Variants in TMEM200A observed in about 807,000 individuals in gnomAD.
TMEM200A encodes transmembrane protein 200A, also known as two transmembrane C.
In TMEM200A, 12 loss-of-function variants were observed where a neutral mutation model predicts 24.3. The ratio of observed to expected loss-of-function variants is 0.49; its 90% CI spans 0.32 to 0.80. TMEM200A has a LOEUF of 0.80. TMEM200A is among the 30% of genes least tolerant of loss of function. The pLI is 0.04. For missense variants in TMEM200A, 545 were observed against 614.4 expected, an observed-to-expected ratio of 0.89 and a Z score of 1.19; for synonymous variants, 224 against 224.4, an observed-to-expected ratio of 1.00 and a Z score of 0.02.
chr6:130,379,508 T>C (rs1474312419), intron 1 of TMEM200A, among the ~76,000 whole-genome samples: 3 of 151,956 alleles, frequency 2.0e-5, no homozygotes, highest in Non-Finnish European at 2.9e-5. Context: ...ACATGCGTGA[T>C]TGAGCTTCAT....
rs553306614 is a variant in TMEM200A, at chr6:130,436,630, CCTTTTTTTT to C, written c.-16-3776_-16-3768del. 6.3e-3 allele frequency among the ~76,000 whole-genome samples: 418 copies of C among 66,758 alleles called. 31 individuals are homozygous for C. Among genetic ancestry groups the C allele is most frequent in the African/African-American group, 0.015 (383 of 26,334 alleles). The allele number at this position is 66,758 out of a possible 152,430, so 43.8% of individuals were successfully genotyped here. A position where few individuals can be genotyped will look rare whatever the true frequency, so the allele number is the denominator to read the frequency against. On this transcript the variant is annotated intron_variant, in intron 2 of 2. Transcript: ENST00000296978. ...TTCACTAGGCTTCGTTTTTCTTTAT[CCTTTTTTTT>C]TTTTTTTTTTTTTTTTTTTTTTTCA...
At chr6:130,369,378 C>T (rs577629365) in intron 1 of TMEM200A, among the ~76,000 whole-genome samples, 39 of 152,266 alleles carry the variant, frequency 2.6e-4, no homozygotes, top group African/African-American at 8.7e-4. Flanking sequence ...TTTGGAAACC[C>T]TGAGTAAACA....
chr6:130,429,429 G>A (rs1779823404), intron 2 of TMEM200A, among the ~76,000 whole-genome samples: 1 of 152,146 alleles, frequency 6.6e-6, no homozygotes, highest in Admixed American at 6.6e-5. Context: ...GACTGAGGCA[G>A]GAGAATCACA....
chr6:130,382,960 C>G (rs1778635314), intron 1 of TMEM200A: 2 of 937,602 alleles, frequency 2.1e-6, no homozygotes, highest in Non-Finnish European at 2.5e-6. Flanking sequence ...CCTGCTTTGC[C>G]TCCCTAGTGA....
At chr6:130,386,746 G>C (rs1025249815) in intron 2 of TMEM200A, among the ~76,000 whole-genome samples, 1 of 152,168 alleles carries the variant, frequency 6.6e-6, no homozygotes, top group African/African-American at 2.4e-5. Flanking sequence ...GAAATTGTAA[G>C]AATGTCGTTT....
At position 130,433,947 on chromosome 6, in the gene TMEM200A, A is replaced by G. The variant is rs78799730; in HGVS notation, c.-16-6460A>G. ...TGCCAAGCCTTCGTTAACTGCCACC[A>G]CTTCTTGGAAGCCTGTCCTGACTCC... is the stretch of plus-strand genomic sequence containing the variant. On this transcript the variant is annotated intron_variant, in intron 2 of 2. Transcript: ENST00000296978. 8.2e-4 allele frequency among the ~76,000 whole-genome samples: 125 copies of G among 152,268 alleles called. 1 individual carries two copies. In the East Asian group the frequency reaches 0.022, roughly 27 times the overall value.
At position 130,440,663 on chromosome 6, in the gene TMEM200A, C is replaced by A. The variant is rs777347911; in HGVS notation, c.241C>A (p.Leu81Ile). Residue 81 changes from leucine to isoleucine, a missense_variant, in exon 3 of 3, where the codon CTT (leucine) becomes ATT (isoleucine). Coordinates refer to ENST00000296978, the MANE Select transcript of TMEM200A (RefSeq NM_001258277.2). ...ISIIGIAMAV[L>I]GYWPQKEHFI... is the part of the protein sequence containing the mutation. ...CATTATAGGAATTGCTATGGCCGTTCTTGGATATTGGCCCCAAAAAGAACA... is the reference window on the plus strand; with the variant it reads ...CATTATAGGAATTGCTATGGCCGTTATTGGATATTGGCCCCAAAAAGAACA... The A allele has an allele frequency of 1.2e-5, 20 of 1,613,796 alleles. No individual in the cohort carries two copies. The South Asian group carries it at 2.2e-4, about 18-fold the overall frequency.
chr6:130,397,520 A>G (rs1273486874), intron 2 of TMEM200A, among the ~76,000 whole-genome samples: 2 of 151,750 alleles, frequency 1.3e-5, no homozygotes, highest in Admixed American at 1.3e-4. Flanking sequence ...CCCTCTTTGG[A>G]GTCTATTTTA....
In TMEM200A at chr6:130,441,401, C is replaced by G. The variant is rs1562576991; in HGVS notation, c.979C>G (p.Leu327Val). The change falls in exon 3 of 3, where the codon CTT becomes GTT. Residue 327 changes from leucine (L) to valine (V), a missense_variant. Physicochemically the swap from Leu to Val is conservative, Grantham distance 32. Coordinates refer to ENST00000296978, the MANE Select transcript of TMEM200A (RefSeq NM_001258277.2). ...GTCAAGGAATTTGTCAATGGATTCC[C>G]TTGTGGTTCCTTTGCCCAACACCAG... ...SRSRNLSMDSLVVPLPNTSES... is the reference protein window; with the variant it reads ...SRSRNLSMDSVVVPLPNTSES... The G allele has an allele frequency of 6.2e-7, 1 of 1,614,080 alleles. No individual in the cohort carries two copies. Among genetic ancestry groups the G allele is most frequent in the Non-Finnish European group, 8.5e-7 (1 of 1,180,002 alleles).
chr6:130,426,666 T>C (rs1779752329), intron 2 of TMEM200A, among the ~76,000 whole-genome samples: 1 of 152,064 alleles, frequency 6.6e-6, no homozygotes, highest in African/African-American at 2.4e-5. Context: ...ATAAACACAA[T>C]GGGGACTGAG....
In TMEM200A at chr6:130,442,197, C is replaced by A. The variant is rs1780213901; in HGVS notation, c.*299C>A. Reference sequence around the variant, plus strand: ...AGCTTATTTTCTTTACTTTTAAGTTCTTTGATTGCCCTATTCATAAAATGA... The same window carrying A: ...AGCTTATTTTCTTTACTTTTAAGTTATTTGATTGCCCTATTCATAAAATGA... On this transcript the variant is annotated 3_prime_UTR_variant, in exon 3 of 3. Coordinates refer to ENST00000296978, the MANE Select transcript of TMEM200A (RefSeq NM_001258277.2). The A allele has an allele frequency of 3.9e-6, 1 of 257,502 alleles. No individual in the cohort carries two copies. The highest frequency in any genetic ancestry group is 7.9e-6 in the Non-Finnish European group (1 of 126,014). 16.0% of individuals were successfully genotyped at this position (257,502 alleles called of 1,614,324 possible). A position where few individuals can be genotyped will look rare whatever the true frequency, so the allele number is the denominator to read the frequency against.
At chr6:130,419,006 AC>A (rs1348423206) in intron 2 of TMEM200A, among the ~76,000 whole-genome samples, 1 of 152,074 alleles carries the variant, frequency 6.6e-6, no homozygotes, top group Non-Finnish European at 1.5e-5. Context: ...GAACATGAGA[AC>A]TTATTTCTTC....
intron 2 of TMEM200A, among the ~76,000 whole-genome samples, chr6:130,411,746 G>A (rs553812448): frequency 3.9e-5 from 6 of 152,244 alleles, no homozygotes; most frequent in African/African-American, 9.6e-5. Context: ...CACAGAAGTC[G>A]TGCTGTCTTC....
chr6:130,392,744 C>G (rs1358792088), intron 2 of TMEM200A, among the ~76,000 whole-genome samples: 1 of 152,172 alleles, frequency 6.6e-6, no homozygotes, highest in Non-Finnish European at 1.5e-5. Context: ...ACAAGCAACA[C>G]CTAACCACCC....
rs1008480255 is a variant in TMEM200A, at chr6:130,395,284, T to C, written c.-17+10048T>C. ...CCTAGAAAAGAGGTCATTTCAGTAG[T>C]TTTTCCCTTTCCCAAGTGGGATGGA... On this transcript the variant is annotated intron_variant, in intron 2 of 2. Coordinates refer to ENST00000296978, the MANE Select transcript of TMEM200A (RefSeq NM_001258277.2). Among the ~76,000 whole-genome samples the C allele has an allele frequency of 2.0e-5, 3 of 152,278 alleles. No homozygotes were observed. The South Asian group carries it at 6.2e-4, about 32-fold the overall frequency.
rs151194964 is a variant in TMEM200A at position 130,386,522 on chromosome 6, T to A, written c.-17+1286T>A. Among the ~76,000 whole-genome samples, 26 of 152,296 alleles carry A rather than the reference T, an allele frequency of 1.7e-4. No homozygotes were observed. The East Asian group carries it at 4.8e-3, about 28-fold the overall frequency. ...TCTTTTTAGACCTTTAGAGAGAACCTAGGGAAGAGATTAGGAAAGTTTACC... is the reference window on the plus strand; with the variant it reads ...TCTTTTTAGACCTTTAGAGAGAACCAAGGGAAGAGATTAGGAAAGTTTACC... On this transcript the variant is annotated intron_variant, in intron 2 of 2. Transcript: ENST00000296978.
At chr6:130,433,523 C>A (rs562222549) in intron 2 of TMEM200A, among the ~76,000 whole-genome samples, 96 of 152,102 alleles carry the variant, frequency 6.3e-4, no homozygotes, top group African/African-American at 2.3e-3. Flanking sequence ...TTTTTCAATT[C>A]TGGTAAAGAT....
intron 2 of TMEM200A, among the ~76,000 whole-genome samples, chr6:130,426,466 C>CA (rs1444477093): frequency 1.3e-5 from 2 of 150,416 alleles, no homozygotes; most frequent in South Asian, 4.3e-4. Context: ...TGCAGCCCCC[C>CA]CCCCCTCAGT....
intron 2 of TMEM200A, among the ~76,000 whole-genome samples, chr6:130,391,731 C>CTTTTT (rs773093362): frequency 1.5e-4 from 12 of 81,854 alleles, no homozygotes; most frequent in Non-Finnish European, 2.0e-4. Flanking sequence ...TTCAAGATTC[C>CTTTTT]TTTTTTTTTT....
Sources: gnomAD v4.1 joint callset for allele counts (sites outside exome capture counted in the v4.1 genomes callset) on GRCh38, gnomAD v4.1.1 for gene constraint, MANE v1.5 for transcripts, NCBI Gene and HGNC (gene_info 2026-07-23, HGNC 2026-07-21) for gene names.